Variants in FLI1 observed in about 807,000 individuals in gnomAD.
The protein encoded by FLI1 is Friend leukemia integration 1 transcription factor.
Under a neutral mutation model 53.1 loss-of-function variants are expected in FLI1, and 13 were observed. The ratio of observed to expected loss-of-function variants is 0.24; its 90% CI spans 0.16 to 0.39. FLI1 has a LOEUF of 0.39. FLI1 is among the 10% of genes least tolerant of loss of function. The probability of loss-of-function intolerance (pLI) is 1.00; values close to 1 mark genes in which losing one functional copy is unlikely to be tolerated. For missense variants in FLI1, 424 were observed against 600.5 expected (o/e 0.71, Z 3.07); for synonymous variants, 244 against 236.7 (o/e 1.03, Z -0.28).
At chr11:128,775,061 A>G (rs968782344) in intron 4 of FLI1, among the ~76,000 whole-genome samples, 20 of 152,238 alleles carry the variant, frequency 1.3e-4, no homozygotes, top group African/African-American at 4.8e-4. Flanking sequence ...TAGGTTTCCC[A>G]AAAGGGACTT....
intron 1 of FLI1, among the ~76,000 whole-genome samples, chr11:128,708,034 T>C (rs1191528467): frequency 1.3e-5 from 2 of 152,210 alleles, no homozygotes; most frequent in Non-Finnish European, 2.9e-5. Context: ...AATGTTTTGT[T>C]AGTGTGCACA....
At chr11:128,787,824 T>TTTA (rs58009217) in intron 5 of FLI1, among the ~76,000 whole-genome samples, 2 of 151,022 alleles carry the variant, frequency 1.3e-5, no homozygotes, top group Non-Finnish European at 1.5e-5. Context: ...TTTTTTTTTT[T>TTTA]GAGATGGAGT....
intron 1 of FLI1, among the ~76,000 whole-genome samples, chr11:128,714,900 G>A (rs1041513859): frequency 7.9e-5 from 12 of 151,890 alleles, no homozygotes; most frequent in Admixed American, 6.6e-4. Context: ...GTAGAGACGG[G>A]GTTTCACCAT....
At chr11:128,758,371 C>T (rs747982607) in intron 2 of FLI1, 45 bp downstream of exon 2, 36 of 1,536,014 alleles carry the variant, frequency 2.3e-5, no homozygotes, top group African/African-American at 9.5e-5. Flanking sequence ...GGCACAAAGT[C>T]GCCAGATCTG....
chr11:128,808,621 AG>A (rs1307745334), intron 7 of FLI1, among the ~76,000 whole-genome samples: 2 of 152,228 alleles, frequency 1.3e-5, no homozygotes, highest in African/African-American at 2.4e-5. Context: ...TTGTCAGATG[AG>A]AAAACTGATT....
intron 1 of FLI1, among the ~76,000 whole-genome samples, chr11:128,748,014 A>G (rs1384084474): frequency 2.6e-5 from 4 of 152,138 alleles, no homozygotes. Flanking sequence ...TGAACACTCA[A>G]AGTCAACAGG....
At chr11:128,714,700 C>T (rs1349223945) in intron 1 of FLI1, among the ~76,000 whole-genome samples, 1 of 135,238 alleles carries the variant, frequency 7.4e-6, no homozygotes, top group Admixed American at 8.6e-5. Flanking sequence ...GTGCTAAACA[C>T]TTGAAGGACC....
chr11:128,742,707 G>A (rs1940192723), intron 1 of FLI1, among the ~76,000 whole-genome samples: 1 of 152,156 alleles, frequency 6.6e-6, no homozygotes, highest in Admixed American at 6.5e-5. Context: ...CATCTCCCCT[G>A]GACCAAATCA....
intron 5 of FLI1, among the ~76,000 whole-genome samples, chr11:128,802,809 C>T (rs1252861641): frequency 6.6e-6 from 1 of 152,232 alleles, no homozygotes; most frequent in East Asian, 1.9e-4. Flanking sequence ...ACAGGAAAAT[C>T]CCATGGTCAT....
intron 3 of FLI1, among the ~76,000 whole-genome samples, chr11:128,771,163 G>A (rs187808784): frequency 6.6e-6 from 1 of 152,212 alleles, no homozygotes; most frequent in Non-Finnish European, 1.5e-5. Context: ...TAAAAATAGG[G>A]CTCGCGGAGC....
chr11:128,805,622 T>A, intron 6 of FLI1, 191 bp downstream of exon 6: 1 of 544,814 alleles, frequency 1.8e-6, no homozygotes, highest in Non-Finnish European at 3.2e-6. Flanking sequence ...GATTTTCGTT[T>A]AGATTTTTGA....
intron 1 of FLI1, among the ~76,000 whole-genome samples, chr11:128,741,118 G>A (rs956927448): frequency 2.0e-5 from 3 of 152,236 alleles, no homozygotes; most frequent in African/African-American, 7.2e-5. Context: ...ACTCAGCCAG[G>A]CATGGTGGCT....
chr11:128,786,148 A>G (rs1211134985), intron 5 of FLI1, among the ~76,000 whole-genome samples: 2 of 152,222 alleles, frequency 1.3e-5, no homozygotes, highest in Non-Finnish European at 2.9e-5. Flanking sequence ...GGTTATTCAT[A>G]TAAGCCAAGC....
intron 1 of FLI1, among the ~76,000 whole-genome samples, chr11:128,703,537 A>G (rs575166195): frequency 1.3e-5 from 2 of 152,290 alleles, no homozygotes; most frequent in East Asian, 1.9e-4. Context: ...ATTACATGGA[A>G]AAAAGCAAAA....
chr11:128,789,751 T>C (rs1942209073), intron 5 of FLI1, among the ~76,000 whole-genome samples: 1 of 152,112 alleles, frequency 6.6e-6, no homozygotes, highest in South Asian at 2.1e-4. Flanking sequence ...GCTGTGTGTG[T>C]TGCCTTGTAG....
intron 5 of FLI1, among the ~76,000 whole-genome samples, chr11:128,802,130 G>A (rs1565508391): frequency 6.6e-6 from 1 of 152,106 alleles, no homozygotes; most frequent in Non-Finnish European, 1.5e-5. Context: ...TGTTTACTTG[G>A]GTATCTCATT....
chr11:128,715,336 C>A, intron 1 of FLI1, among the ~76,000 whole-genome samples: 1 of 152,294 alleles, frequency 6.6e-6, no homozygotes, highest in African/African-American at 2.4e-5. Context: ...ATGCCTCCAC[C>A]CCTTTTCCTA....
At chr11:128,787,216 T>G (rs1482634004) in intron 5 of FLI1, among the ~76,000 whole-genome samples, 1 of 152,176 alleles carries the variant, frequency 6.6e-6, no homozygotes, top group Admixed American at 6.5e-5. Context: ...TGGTAGGGTT[T>G]GCCAAGCACG....
At chr11:128,750,911 T>G (rs912169403) in intron 1 of FLI1, among the ~76,000 whole-genome samples, 2 of 152,250 alleles carry the variant, frequency 1.3e-5, no homozygotes, top group African/African-American at 4.8e-5. Flanking sequence ...TCACTGAGTA[T>G]GTGGTGTACG....
Sources: allele counts gnomAD v4.1 joint callset (sites outside exome capture counted in the v4.1 genomes callset), GRCh38; gene constraint gnomAD v4.1.1; transcripts MANE v1.5; gene names NCBI Gene and HGNC (gene_info 2026-07-23, HGNC 2026-07-21).